Variants in APPL2 observed in about 807,000 individuals in gnomAD.
APPL2 encodes the protein adaptor protein, phosphotyrosine interacting with PH domain and leucine zipper 2.
In APPL2, 84 loss-of-function variants were observed where a neutral mutation model predicts 92.7. The observed-to-expected ratio is 0.91, with a 90% CI of 0.76 to 1.09. APPL2 has a LOEUF of 1.09. APPL2 is among the 50% of genes least tolerant of loss of function. The pLI, the probability that APPL2 is intolerant of heterozygous loss-of-function variation, is 0.00. For synonymous variants in APPL2, 291 were observed against 291.0 expected, an observed-to-expected ratio of 1.00 and a Z score of 0.00; for missense variants, 736 against 824.5, an observed-to-expected ratio of 0.89 and a Z score of 1.31.
chr12:105,226,320 G>T (rs890407760), intron 2 of APPL2, among the ~76,000 whole-genome samples: 11 of 152,236 alleles, frequency 7.2e-5, no homozygotes, highest in African/African-American at 2.7e-4. Context: ...CTCTGTCTTT[G>T]AATCTGGCAG....
chr12:105,233,951 C>T (rs983256721), intron 1 of APPL2, among the ~76,000 whole-genome samples: 2 of 152,124 alleles, frequency 1.3e-5, no homozygotes, highest in African/African-American at 4.8e-5. Context: ...GGATTAGATT[C>T]CTTCCAGTTC....
At chr12:105,226,028 A>G (rs950436781) in intron 2 of APPL2, among the ~76,000 whole-genome samples, 1 of 152,242 alleles carries the variant, frequency 6.6e-6, no homozygotes, top group Non-Finnish European at 1.5e-5. Flanking sequence ...AGGAAATTAT[A>G]AAACTATCAA....
At chr12:105,184,208 T>C (rs1465515189) in intron 17 of APPL2, among the ~76,000 whole-genome samples, 1 of 152,202 alleles carries the variant, frequency 6.6e-6, no homozygotes. Flanking sequence ...TAGAACATGC[T>C]CCTTTAGCTT....
intron 9 of APPL2, among the ~76,000 whole-genome samples, chr12:105,202,687 T>G (rs1888315870): frequency 6.6e-6 from 1 of 152,230 alleles, no homozygotes; most frequent in Non-Finnish European, 1.5e-5. Flanking sequence ...ATTTCACAAG[T>G]TGGTTTCTAG....
rs371116879 is a variant in APPL2, at chr12:105,203,794, T to C, written c.622-9A>G. 1.7e-4 allele frequency: 279 copies of C among 1,602,226 alleles called. 1 individual carries two copies. The highest frequency in any genetic ancestry group is 2.3e-4 in the Non-Finnish European group (266 of 1,169,340). On this transcript the variant is annotated splice_polypyrimidine_tract_variant and intron_variant, in intron 8 of 20. Transcript: ENST00000258530. ...TTCTTAAAAAAGTTAATCTGAAAGA[T>C]ATAATTATAATATTCTGAAAATCAT...
intron 2 of APPL2, among the ~76,000 whole-genome samples, chr12:105,226,421 T>A (rs886097238): frequency 6.6e-6 from 1 of 152,182 alleles, no homozygotes; most frequent in African/African-American, 2.4e-5. Flanking sequence ...CACGTGATGA[T>A]CATATGCTGC....
chr12:105,195,442 T>TA lies in APPL2; in HGVS notation c.1152+2dup. On this transcript the variant is annotated splice_region_variant and intron_variant, in intron 13 of 20. Coordinates refer to ENST00000258530, the MANE Select transcript of APPL2 (RefSeq NM_018171.5). ...GGCTGAGATGCCGGTGGCTGATAAT[T>TA]ACCTCAGGGTTGTCGGTCAGGTAGA... is the stretch of plus-strand genomic sequence containing the variant. The TA allele has an allele frequency of 2.5e-6, 4 of 1,614,190 alleles. No homozygotes were observed. The highest frequency in any genetic ancestry group is 3.4e-6 in the Non-Finnish European group (4 of 1,180,040).
At chr12:105,232,210 G>A (rs1159167088) in intron 1 of APPL2, among the ~76,000 whole-genome samples, 1 of 152,182 alleles carries the variant, frequency 6.6e-6, no homozygotes, top group African/African-American at 2.4e-5. Context: ...AAAAGTAACA[G>A]TAGCAGATTC....
chr12:105,233,747 C>A (rs1891073927), intron 1 of APPL2, among the ~76,000 whole-genome samples: 1 of 152,202 alleles, frequency 6.6e-6, no homozygotes, highest in Non-Finnish European at 1.5e-5. Flanking sequence ...GGCTCTGTCA[C>A]TTTATGGTGT....
intron 2 of APPL2, among the ~76,000 whole-genome samples, chr12:105,222,415 G>A (rs956395583): frequency 1.3e-5 from 2 of 152,158 alleles, no homozygotes; most frequent in Admixed American, 1.3e-4. Context: ...GCAGAGCGGG[G>A]CATGGAGGTA....
At chr12:105,217,033 A>C in intron 4 of APPL2, 36 bp downstream of exon 4, 1 of 1,459,764 alleles carries the variant, frequency 6.9e-7, no homozygotes, top group Non-Finnish European at 9.4e-7. Flanking sequence ...AGTTCGAGAA[A>C]GAATCAAATA....
At position 105,174,085 on chromosome 12, in the gene APPL2, A is replaced by T; in HGVS notation, c.*229T>A. ...AAGAAATTTTAGCGCAATCTAAGAA[A>T]AAAGACTTACCACAAAGCACCTAAA... is the stretch of plus-strand genomic sequence containing the variant. On this transcript the variant is annotated 3_prime_UTR_variant, in exon 21 of 21. Transcript: ENST00000258530. 2.3e-6 allele frequency: 1 copy of T among 438,594 alleles called. No individual in the cohort carries two copies. The highest frequency in any genetic ancestry group is 3.8e-6 in the Non-Finnish European group (1 of 259,936). 27.2% of individuals were successfully genotyped at this position (438,594 alleles called of 1,614,324 possible).
chr12:105,220,512 C>T (rs891086775), intron 2 of APPL2, among the ~76,000 whole-genome samples: 1 of 152,218 alleles, frequency 6.6e-6, no homozygotes. Flanking sequence ...TCTTAAGCTA[C>T]ACCATTTCAG....
At chr12:105,214,140 C>G (rs551940341) in intron 4 of APPL2, among the ~76,000 whole-genome samples, 1 of 152,228 alleles carries the variant, frequency 6.6e-6, no homozygotes, top group Admixed American at 6.5e-5. Flanking sequence ...GAGCCAAGAT[C>G]GTGCCATTGC....
intron 2 of APPL2, among the ~76,000 whole-genome samples, chr12:105,220,146 C>A (rs928952263): frequency 6.6e-6 from 1 of 152,176 alleles, no homozygotes; most frequent in Non-Finnish European, 1.5e-5. Flanking sequence ...CTGGAGCTGT[C>A]CGATTCTAAA....
rs756793583 is a variant in APPL2, at chr12:105,195,509, G to T, written c.1096-8C>A. On this transcript the variant is annotated splice_region_variant and splice_polypyrimidine_tract_variant and intron_variant, in intron 12 of 20. Transcript: ENST00000258530. ...GTTTATTGCACATATCCACTGTAGA[G>T]GACATTAAAAAAGAACACTGAATCC... 6.2e-6 allele frequency: 10 copies of T among 1,614,098 alleles called. No individual in the cohort carries two copies. The highest frequency in any genetic ancestry group is 2.5e-6 in the Non-Finnish European group (3 of 1,180,012).
chr12:105,214,691 CAG>C (rs1006152498), intron 4 of APPL2, among the ~76,000 whole-genome samples: 7 of 152,330 alleles, frequency 4.6e-5, no homozygotes, highest in Non-Finnish European at 1.0e-4. Context: ...GTTTCTGACA[CAG>C]AGATCCTAAT....
chr12:105,176,962 C>T lies in APPL2; in HGVS notation c.1726G>A (p.Val576Ile), dbSNP rs1336079495. 1 of 1,614,086 alleles carries T rather than the reference C, an allele frequency of 6.2e-7. No individual in the cohort carries two copies. Among genetic ancestry groups the T allele is most frequent in the Non-Finnish European group, 8.5e-7 (1 of 1,180,014 alleles). ...FAAHQENKRLVGFVIRVPEST... is the reference protein window; with the variant it reads ...FAAHQENKRLIGFVIRVPEST... ...TCAGGAACACGGATGACAAAACCAACCAGTCTCTTGTTTTCTTGATGAGCA... is the reference window on the plus strand; with the variant it reads ...TCAGGAACACGGATGACAAAACCAATCAGTCTCTTGTTTTCTTGATGAGCA... Residue 576 changes from valine to isoleucine, a missense_variant, in exon 19 of 21, where the codon GTT becomes ATT. Coordinates refer to ENST00000258530, the MANE Select transcript of APPL2 (RefSeq NM_018171.5).
At position 105,173,684 on chromosome 12, in the gene APPL2, A is replaced by T. The variant is rs1365127848; in HGVS notation, c.*630T>A. ...TTCAGTAAGGCTCCACTGTAAAATC[A>T]AACATCTTTTGTGGTATTCATTTTT... On this transcript the variant is annotated 3_prime_UTR_variant, in exon 21 of 21. Coordinates refer to ENST00000258530, the MANE Select transcript of APPL2 (RefSeq NM_018171.5). 6.6e-6 allele frequency: 1 copy of T among 152,634 alleles called. No homozygotes were observed. Among genetic ancestry groups the T allele is most frequent in the Non-Finnish European group, 1.5e-5 (1 of 68,094 alleles). The allele number at this position is 152,634 out of a possible 1,614,324, so 9.5% of individuals were successfully genotyped here. A position where few individuals can be genotyped will look rare whatever the true frequency, so the allele number is the denominator to read the frequency against.
Sources: gnomAD v4.1 joint callset for allele counts (sites outside exome capture counted in the v4.1 genomes callset) on GRCh38, gnomAD v4.1.1 for gene constraint, MANE v1.5 for transcripts, NCBI Gene and HGNC (gene_info 2026-07-23, HGNC 2026-07-21) for gene names.